Variants in PARN observed in about 807,000 individuals in gnomAD.
The protein encoded by PARN is poly(A)-specific ribonuclease, also known as poly(A)-specific ribonuclease PARN.
Under a neutral mutation model 102.8 loss-of-function variants are expected in PARN, and 71 were observed. That is an observed-to-expected ratio of 0.69 (90% CI 0.57 to 0.84). The LOEUF is 0.84. PARN is among the 40% of genes least tolerant of loss of function. The pLI is 0.00. For synonymous variants in PARN, 261 were observed against 252.9 expected, an observed-to-expected ratio of 1.03 and a Z score of -0.30; for missense variants, 782 against 760.9, an observed-to-expected ratio of 1.03 and a Z score of -0.33.
rs1479910872 is a variant in PARN, at chr16:14,586,315, T to C, written c.962+3A>G. On this transcript the variant is annotated splice_donor_region_variant and intron_variant, in intron 14 of 23. Coordinates refer to ENST00000437198, the MANE Select transcript of PARN (RefSeq NM_002582.4). ...GAAAGACAAATCCTCAAAGAAAGCT[T>C]ACCTGGGGAAAACACATGTTGTCAT... 1 of 1,537,396 alleles carries C rather than the reference T, an allele frequency of 6.5e-7. No homozygotes were observed. Among genetic ancestry groups the C allele is most frequent in the East Asian group, 2.4e-5 (1 of 42,110 alleles).
At chr16:14,444,948 A>G (rs575626553) in intron 23 of PARN, among the ~76,000 whole-genome samples, 2 of 150,140 alleles carry the variant, frequency 1.3e-5, no homozygotes, top group African/African-American at 4.9e-5. Context: ...CCTCCTGAGT[A>G]CCTGGGACTA....
intron 23 of PARN, among the ~76,000 whole-genome samples, chr16:14,440,110 T>G (rs1207559138): frequency 6.6e-6 from 1 of 152,040 alleles, no homozygotes; most frequent in Non-Finnish European, 1.5e-5. Flanking sequence ...GTAAAATGCT[T>G]AAAAGGACTT....
chr16:14,497,714 T>C (rs1002067884), intron 21 of PARN, among the ~76,000 whole-genome samples: 4 of 152,180 alleles, frequency 2.6e-5, no homozygotes, highest in African/African-American at 7.2e-5. Context: ...TGTTTGTGTA[T>C]AAGCTAATAT....
At chr16:14,438,270 G>T (rs1303769047) in intron 23 of PARN, among the ~76,000 whole-genome samples, 1 of 152,188 alleles carries the variant, frequency 6.6e-6, no homozygotes. Flanking sequence ...ACATATGAAA[G>T]AAATATTGCA....
rs571867283 is a variant in PARN at position 14,465,161 on chromosome 16, G to A, written c.1670+17477C>T. 3.3e-5 allele frequency among the ~76,000 whole-genome samples: 5 copies of A among 152,192 alleles called. No individual in the cohort carries two copies. The East Asian group carries it at 9.7e-4, about 29-fold the overall frequency. ...CAGCTCACTGCAGCTTCAACCTCCT[G>A]GGCTCAAGGGATCCTCCTGCCTCAG... On this transcript the variant is annotated intron_variant, in intron 22 of 23. Coordinates refer to ENST00000437198, the MANE Select transcript of PARN (RefSeq NM_002582.4).
chr16:14,608,814 T>C (rs1007114182), intron 8 of PARN, among the ~76,000 whole-genome samples: 5 of 152,200 alleles, frequency 3.3e-5, no homozygotes, highest in Non-Finnish European at 7.3e-5. Flanking sequence ...TGGGCATAAC[T>C]GAAAGTCAAG....
rs147120175 is a variant in PARN at position 14,466,254 on chromosome 16, C to T, written c.1670+16384G>A. 2.0e-5 allele frequency among the ~76,000 whole-genome samples: 3 copies of T among 152,232 alleles called. No homozygotes were observed. In the East Asian group the frequency reaches 5.8e-4, roughly 29 times the overall value. ...TCTCTGAGGGACAGGATGAGGGTAG[C>T]AGAGGACTGCCATTTTTTATTATAA... On this transcript the variant is annotated intron_variant, in intron 22 of 23. Transcript: ENST00000437198.
chr16:14,627,700 C>T (rs1425750178), intron 3 of PARN, among the ~76,000 whole-genome samples: 1 of 152,080 alleles, frequency 6.6e-6, no homozygotes, highest in Non-Finnish European at 1.5e-5. Context: ...TAAAATAACA[C>T]TTTAAGGCCA....
At chr16:14,576,158 C>T (rs1176623220) in intron 18 of PARN, 1 of 152,206 alleles carries the variant, frequency 6.6e-6, no homozygotes, top group African/African-American at 2.4e-5. Context: ...ATCATTTTAT[C>T]CCCATTTTAC....
intron 21 of PARN, among the ~76,000 whole-genome samples, chr16:14,504,244 T>C (rs1397612648): frequency 6.6e-6 from 1 of 152,226 alleles, no homozygotes; most frequent in Non-Finnish European, 1.5e-5. Flanking sequence ...AATTATGCTA[T>C]TCATATTCAT....
chr16:14,566,863 G>A (rs1370906377), intron 18 of PARN, among the ~76,000 whole-genome samples: 1 of 152,206 alleles, frequency 6.6e-6, no homozygotes, highest in Non-Finnish European at 1.5e-5. Context: ...TGGCCTGTAA[G>A]GTTTCTTTAA....
Position 14,491,627 on chromosome 16 carries a change from C to T in PARN, c.1481-8800G>A, listed in dbSNP as rs1265895638. On this transcript the variant is annotated intron_variant, in intron 21 of 23. Coordinates refer to ENST00000437198, the MANE Select transcript of PARN (RefSeq NM_002582.4). ...AACATAAAACATAAAAATAAATTAGCTGGGTGTGGTGGTGCACACCTATAG... is the reference window on the plus strand; with the variant it reads ...AACATAAAACATAAAAATAAATTAGTTGGGTGTGGTGGTGCACACCTATAG... 2.6e-5 allele frequency among the ~76,000 whole-genome samples: 4 copies of T among 152,150 alleles called. No individual in the cohort carries two copies. The East Asian group carries it at 7.8e-4, about 29-fold the overall frequency.
At chr16:14,560,522 T>G (rs1967988978) in intron 18 of PARN, among the ~76,000 whole-genome samples, 1 of 152,224 alleles carries the variant, frequency 6.6e-6, no homozygotes, top group African/African-American at 2.4e-5. Context: ...TACAAAAGAA[T>G]TCTATCCTAA....
At chr16:14,559,219 ATGT>A (rs1422552576) in intron 18 of PARN, among the ~76,000 whole-genome samples, 4 of 151,466 alleles carry the variant, frequency 2.6e-5, no homozygotes, top group Admixed American at 1.3e-4. Context: ...TACCATTTAG[ATGT>A]TGTTGTTTTT....
At chr16:14,487,489 G>A (rs1055713461) in intron 21 of PARN, among the ~76,000 whole-genome samples, 1 of 152,124 alleles carries the variant, frequency 6.6e-6, no homozygotes, top group African/African-American at 2.4e-5. Context: ...TTATGAAGAG[G>A]AAGACAACAT....
At chr16:14,541,590 C>T (rs1966840517) in intron 21 of PARN, among the ~76,000 whole-genome samples, 1 of 152,028 alleles carries the variant, frequency 6.6e-6, no homozygotes, top group Non-Finnish European at 1.5e-5. Context: ...ATTCTCCTGC[C>T]TTAGCCACCT....
At chr16:14,444,922 G>A (rs1268621884) in intron 23 of PARN, among the ~76,000 whole-genome samples, 1 of 151,784 alleles carries the variant, frequency 6.6e-6, no homozygotes, top group East Asian at 1.9e-4. Context: ...GGGCTCAAGC[G>A]ATCCTCCCGA....
chr16:14,481,062 A>G (rs181214390), intron 22 of PARN, among the ~76,000 whole-genome samples: 97 of 152,352 alleles, frequency 6.4e-4, no homozygotes, highest in African/African-American at 2.1e-3. Context: ...CTTGTACTAT[A>G]AAATGCTATA....
At chr16:14,456,170 C>CTT (rs879300842) in intron 22 of PARN, among the ~76,000 whole-genome samples, 3 of 142,644 alleles carry the variant, frequency 2.1e-5, no homozygotes, top group Admixed American at 7.0e-5. Context: ...AGTAAGTTTT[C>CTT]TTTTTTTTTT....
Sources: gnomAD v4.1 joint callset for allele counts (sites outside exome capture counted in the v4.1 genomes callset) on GRCh38, gnomAD v4.1.1 for gene constraint, MANE v1.5 for transcripts, NCBI Gene and HGNC (gene_info 2026-07-23, HGNC 2026-07-21) for gene names.